Variants in LSP1 observed in about 807,000 individuals in gnomAD.
The protein encoded by LSP1 is lymphocyte-specific protein 1.
LSP1 carries 32 observed loss-of-function variants against 49.3 expected under a neutral mutation model. That is an observed-to-expected ratio of 0.65 (90% CI 0.49 to 0.87). The LOEUF (loss-of-function observed/expected upper bound fraction) is 0.87, where lower values mean the gene tolerates loss of function less well. LSP1 is among the 40% of genes least tolerant of loss of function. LSP1 has a pLI of 0.00. For synonymous variants in LSP1, 179 were observed against 178.8 expected, an observed-to-expected ratio of 1.00 and a Z score of -0.01; for missense variants, 428 against 442.6, an observed-to-expected ratio of 0.97 and a Z score of 0.30.
chr11:1,877,225 G>C (rs1848349622), intron 1 of LSP1, among the ~76,000 whole-genome samples: 1 of 152,140 alleles, frequency 6.6e-6, no homozygotes, highest in Non-Finnish European at 1.5e-5. Flanking sequence ...CCAGAACGGA[G>C]CCCAGCTGTG....
In LSP1 at chr11:1,870,722, C is replaced by T. The variant is rs557162793; in HGVS notation, c.54-9365C>T. ...GGTTGCGTGGAGGATGGGAGCGCTT[C>T]GGGCAGCATCTGTGGGCAGAGACTT... On this transcript the variant is annotated intron_variant, in intron 1 of 10. Coordinates refer to ENST00000311604, the MANE Select transcript of LSP1 (RefSeq NM_002339.3). 209 of 1,009,158 alleles carry T rather than the reference C, an allele frequency of 2.1e-4. No homozygotes were observed. In the East Asian group the frequency reaches 5.0e-3, roughly 24 times the overall value. The allele number at this position is 1,009,158 out of a possible 1,614,324, so 62.5% of individuals were successfully genotyped here.
chr11:1,890,269 G>A (rs375040436), intron 10 of LSP1: 5 of 713,756 alleles, frequency 7.0e-6, no homozygotes, highest in Admixed American at 4.0e-5. Flanking sequence ...GCCACCATGC[G>A]GGGAGCCTCG....
rs978231148 is a variant in LSP1, at chr11:1,863,868, G to A, written c.53+10671G>A. ...AAACCGAAGATGCTGCGTTGGTGGC[G>A]TCTCTGCCTCTTGGGTCAACTCTGC... On this transcript the variant is annotated intron_variant, in intron 1 of 10. Transcript: ENST00000311604. 2.6e-4 allele frequency among the ~76,000 whole-genome samples: 39 copies of A among 152,158 alleles called. 1 individual carries two copies. Among genetic ancestry groups the A allele is most frequent in the Admixed American group, 6.5e-5 (1 of 15,286 alleles).
At chr11:1,858,740 C>T (rs959761796) in intron 1 of LSP1, among the ~76,000 whole-genome samples, 5 of 152,236 alleles carry the variant, frequency 3.3e-5, no homozygotes, top group South Asian at 4.1e-4. Context: ...CCCTCCCCAA[C>T]ATCTAGGGAC....
intron 1 of LSP1, among the ~76,000 whole-genome samples, chr11:1,854,835 C>G (rs1847448155): frequency 6.6e-6 from 1 of 152,216 alleles, no homozygotes; most frequent in Non-Finnish European, 1.5e-5. Context: ...AAGGGCAGGA[C>G]ATGAGCCTCT....
chr11:1,885,731 G>A lies in LSP1; in HGVS notation c.718-1001G>A, dbSNP rs529768361. Among the ~76,000 whole-genome samples the A allele has an allele frequency of 1.1e-3, 164 of 145,558 alleles. 5 individuals are homozygous for A. The highest frequency in any genetic ancestry group is 9.3e-3 in the South Asian group (42 of 4,510). On this transcript the variant is annotated intron_variant, in intron 7 of 10. Transcript: ENST00000311604. ...CACCCAGTGCCCCTCCATCCACCCA[G>A]TACTCACTTATCCAACAAGCACTCC... is the stretch of plus-strand genomic sequence containing the variant.
At chr11:1,873,931 C>T (rs1411393857) in intron 1 of LSP1, among the ~76,000 whole-genome samples, 281 of 110,222 alleles carry the variant, frequency 2.5e-3, no homozygotes, top group Middle Eastern at 7.6e-3. Flanking sequence ...GGAGGGAGGC[C>T]GGCAGAGGAG....
At chr11:1,883,043 C>G (rs1256464902) in intron 3 of LSP1, among the ~76,000 whole-genome samples, 2 of 152,266 alleles carry the variant, frequency 1.3e-5, no homozygotes, top group African/African-American at 2.4e-5. Flanking sequence ...GTGGCCCCAG[C>G]AGCCCGGCCT....
chr11:1,854,688 G>A (rs1003013198), intron 1 of LSP1, among the ~76,000 whole-genome samples: 1 of 152,130 alleles, frequency 6.6e-6, no homozygotes, highest in Non-Finnish European at 1.5e-5. Flanking sequence ...GTGGGAGGAT[G>A]CCCTGCCCAG....
intron 1 of LSP1, among the ~76,000 whole-genome samples, chr11:1,856,261 C>A (rs755694317): frequency 6.6e-6 from 1 of 152,234 alleles, no homozygotes; most frequent in Non-Finnish European, 1.5e-5. Flanking sequence ...CGGAAAGAAC[C>A]ATTCACCAGC....
At chr11:1,854,770 A>G (rs1169842757) in intron 1 of LSP1, among the ~76,000 whole-genome samples, 1 of 152,150 alleles carries the variant, frequency 6.6e-6, no homozygotes, top group African/African-American at 2.4e-5. Flanking sequence ...CCCTCCTGTC[A>G]GCACCACCCC....
chr11:1,881,103 CA>C, intron 2 of LSP1: 1 of 262,962 alleles, frequency 3.8e-6, no homozygotes, highest in Admixed American at 5.1e-5. Context: ...GCCTTACCCT[CA>C]GGGAGCCCCA....
intron 1 of LSP1, among the ~76,000 whole-genome samples, chr11:1,872,493 G>T (rs1324616743): frequency 7.3e-6 from 1 of 136,666 alleles, no homozygotes. Context: ...GGGATGGGGT[G>T]TGTGTGGTGG....
chr11:1,889,409 G>A, intron 10 of LSP1: 1 of 684,088 alleles, frequency 1.5e-6, no homozygotes, highest in Non-Finnish European at 2.7e-6. Context: ...GGGAGGCGGG[G>A]GCCCGGGGTG....
chr11:1,883,781 T>A, intron 4 of LSP1, 151 bp from the exon 5 acceptor site: 1 of 887,890 alleles, frequency 1.1e-6, no homozygotes, highest in Non-Finnish European at 1.7e-6. Flanking sequence ...GACTCCTCAG[T>A]CCCTCCCCAC....
chr11:1,868,368 T>C (rs1039870958), intron 1 of LSP1, among the ~76,000 whole-genome samples: 1 of 152,144 alleles, frequency 6.6e-6, no homozygotes, highest in Non-Finnish European at 1.5e-5. Context: ...TGTGAGCCCC[T>C]CCATTCCCTC....
At chr11:1,854,378 C>G (rs73410938) in intron 1 of LSP1, among the ~76,000 whole-genome samples, 1 of 151,982 alleles carries the variant, frequency 6.6e-6, no homozygotes, top group Non-Finnish European at 1.5e-5. Context: ...CAGAGGGTCC[C>G]GGTCTACCCG....
chr11:1,861,162 C>T (rs1173646728), intron 1 of LSP1, among the ~76,000 whole-genome samples: 2 of 152,224 alleles, frequency 1.3e-5, no homozygotes, highest in East Asian at 3.8e-4. Context: ...AAAAGAATTA[C>T]TTCTTTCCAT....
At chr11:1,862,552 C>G (rs567116311) in intron 1 of LSP1, among the ~76,000 whole-genome samples, 190 of 152,242 alleles carry the variant, frequency 1.2e-3, no homozygotes, top group Non-Finnish European at 2.4e-3. Context: ...GGTTGAGGTG[C>G]AAATGAAGCA....
Sources: allele counts gnomAD v4.1 joint callset (sites outside exome capture counted in the v4.1 genomes callset), GRCh38; gene constraint gnomAD v4.1.1; transcripts MANE v1.5; gene names NCBI Gene and HGNC (gene_info 2026-07-23, HGNC 2026-07-21).